The following NDUFS1 variants were observed in gnomAD, a reference collection of about 807,000 sequenced individuals.
The protein encoded by NDUFS1 is NADH-ubiquinone oxidoreductase 75 kDa subunit, mitochondrial.
In NDUFS1, 61 loss-of-function variants were observed where a neutral mutation model predicts 84.4. The ratio of observed to expected loss-of-function variants is 0.72; its 90% CI spans 0.59 to 0.89. The LOEUF (loss-of-function observed/expected upper bound fraction) is 0.89, where lower values mean the gene tolerates loss of function less well. Ranked by LOEUF, NDUFS1 falls within the 40% of genes least tolerant of loss-of-function variation. NDUFS1 has a pLI of 0.00. For synonymous variants in NDUFS1, 275 were observed against 290.0 expected, an observed-to-expected ratio of 0.95 and a Z score of 0.53; for missense variants, 891 against 890.0, an observed-to-expected ratio of 1.00 and a Z score of -0.01.
At chr2:206,153,524 G>T in intron 2 of NDUFS1, 94 bp downstream of exon 2, 13 of 744,242 alleles carry the variant, frequency 1.7e-5, no homozygotes, top group East Asian at 2.7e-5. Context: ...AAAAAATCAT[G>T]GGTTTAGGGT....
chr2:206,137,182 T>C (rs569342673), intron 13 of NDUFS1, among the ~76,000 whole-genome samples: 4 of 152,266 alleles, frequency 2.6e-5, no homozygotes, highest in African/African-American at 9.6e-5. Flanking sequence ...TTAAGACATA[T>C]TTTGGTGAAG....
rs375580273 is a variant in NDUFS1 at position 206,155,091 on chromosome 2, G to A, written c.-4-1409C>T. On this transcript the variant is annotated intron_variant, in intron 1 of 18. Coordinates refer to ENST00000233190, the MANE Select transcript of NDUFS1 (RefSeq NM_005006.7). ...ACTACAGGCATGCACAACCATGCCAGGCTAATTTTTGTATTTTTATTATTT... is the reference window on the plus strand; with the variant it reads ...ACTACAGGCATGCACAACCATGCCAAGCTAATTTTTGTATTTTTATTATTT... Among the ~76,000 whole-genome samples the A allele has an allele frequency of 2.0e-4, 31 of 151,776 alleles. No individual in the cohort carries two copies. The East Asian group carries it at 3.9e-3, about 19-fold the overall frequency.
In NDUFS1 at chr2:206,147,719, C is replaced by A. The variant is rs762146442; in HGVS notation, c.420+34G>T. On this transcript the variant is annotated intron_variant, in intron 6 of 18. Transcript: ENST00000233190. ...CTGCTAATAAAATTAAAATCTGAGA[C>A]AACCAAAAAGATTGACAGAATTCTA... 7 of 1,613,786 alleles carry A rather than the reference C, an allele frequency of 4.3e-6. No individual in the cohort carries two copies. The South Asian group carries it at 6.6e-5, about 15-fold the overall frequency.
chr2:206,158,639 C>G (rs1039860643), intron 1 of NDUFS1, among the ~76,000 whole-genome samples: 5 of 152,190 alleles, frequency 3.3e-5, no homozygotes, highest in Non-Finnish European at 7.3e-5. Flanking sequence ...ACAAAAATAA[C>G]TTGTTTATTC....
chr2:206,136,434 TTTTG>T lies in NDUFS1; in HGVS notation c.1392+2047_1392+2050del, dbSNP rs1381273133. Reference sequence around the variant, plus strand: ...CTTAGTTTTTAGTTGTTGGTTTTTTTTTTGTTTTTTTTTTTTTGAGATGGAGTCT... The same window carrying T: ...CTTAGTTTTTAGTTGTTGGTTTTTTTTTTTTTTTTTTTTGAGATGGAGTCT... On this transcript the variant is annotated intron_variant, in intron 13 of 18. Transcript: ENST00000233190. Among the ~76,000 whole-genome samples, 9 of 121,288 alleles carry T rather than the reference TTTTG, an allele frequency of 7.4e-5. No homozygotes were observed. In the East Asian group the frequency reaches 1.9e-3, roughly 25 times the overall value. 79.6% of individuals were successfully genotyped at this position (121,288 alleles called of 152,430 possible). A position where few individuals can be genotyped will look rare whatever the true frequency, so the allele number is the denominator to read the frequency against.
chr2:206,116,166 C>T lies in NDUFS1; in HGVS notation c.*8019G>A. The T allele has an allele frequency of 1.9e-6, 3 of 1,546,226 alleles. No homozygotes were observed. Among genetic ancestry groups the T allele is most frequent in the Non-Finnish European group, 2.7e-6 (3 of 1,118,958 alleles). On this transcript the variant is annotated 3_prime_UTR_variant, in exon 19 of 19. Transcript: ENST00000233190. ...TATGCTTCTTCACTCATAAGTTCAT[C>T]TAGTTATGAAGGGTTACTCAGTGTC...
chr2:206,125,373 G>A (rs1178365822), intron 18 of NDUFS1, among the ~76,000 whole-genome samples: 3 of 151,840 alleles, frequency 2.0e-5, no homozygotes, highest in Non-Finnish European at 4.4e-5. Context: ...GAGGTGGGAG[G>A]ATCACTTCAG....
chr2:206,121,697 C>T lies in NDUFS1; in HGVS notation c.*2488G>A, dbSNP rs1691100407. ...CAAACTCCTGACCTCAATGATCTGC[C>T]CGCCTCAGCCTGCCAAAGTGCTGGG... On this transcript the variant is annotated 3_prime_UTR_variant, in exon 19 of 19. Coordinates refer to ENST00000233190, the MANE Select transcript of NDUFS1 (RefSeq NM_005006.7). 1 of 152,190 alleles carries T rather than the reference C, an allele frequency of 6.6e-6. No homozygotes were observed. Among genetic ancestry groups the T allele is most frequent in the Admixed American group, 6.6e-5 (1 of 15,256 alleles). 9.4% of individuals were successfully genotyped at this position (152,190 alleles called of 1,614,324 possible).
Position 206,115,765 on chromosome 2 carries a change from T to A in NDUFS1, c.*8420A>T. Reference sequence around the variant, plus strand: ...TTCATCCCAAGTCCAGGTATGGACATACACAAGTTACAATATTATATAAGG... The same window carrying A: ...TTCATCCCAAGTCCAGGTATGGACAAACACAAGTTACAATATTATATAAGG... On this transcript the variant is annotated 3_prime_UTR_variant, in exon 19 of 19. Transcript: ENST00000233190. The A allele has an allele frequency of 7.6e-6, 3 of 395,978 alleles. No homozygotes were observed. The allele number at this position is 395,978 out of a possible 1,614,324, so 24.5% of individuals were successfully genotyped here. A position where few individuals can be genotyped will look rare whatever the true frequency, so the allele number is the denominator to read the frequency against.
At chr2:206,142,289 T>C (rs1405247559) in intron 11 of NDUFS1, among the ~76,000 whole-genome samples, 1 of 152,206 alleles carries the variant, frequency 6.6e-6, no homozygotes, top group Non-Finnish European at 1.5e-5. Flanking sequence ...CCTGGCTCAC[T>C]GCAACCTCCA....
intron 6 of NDUFS1, 30 bp downstream of exon 6, chr2:206,147,723 C>G: frequency 6.2e-7 from 1 of 1,613,628 alleles, no homozygotes; most frequent in African/African-American, 1.3e-5. Context: ...CTGAGACAAC[C>G]AAAAAGATTG....
chr2:206,136,400 C>T (rs1266576493), intron 13 of NDUFS1, among the ~76,000 whole-genome samples: 1 of 148,668 alleles, frequency 6.7e-6, no homozygotes, highest in Non-Finnish European at 1.5e-5. Context: ...GTGTGACAAA[C>T]AGAAACTCCT....
chr2:206,149,652 C>T lies in NDUFS1; in HGVS notation c.261+166G>A, dbSNP rs1030248469. On this transcript the variant is annotated intron_variant, in intron 4 of 18. Coordinates refer to ENST00000233190, the MANE Select transcript of NDUFS1 (RefSeq NM_005006.7). ...TAAAGCACTTCTATCTATGTGTTTCCAGTTTTGAAATGAAGAGAATCAATT... is the reference window on the plus strand; with the variant it reads ...TAAAGCACTTCTATCTATGTGTTTCTAGTTTTGAAATGAAGAGAATCAATT... 10 of 632,500 alleles carry T rather than the reference C, an allele frequency of 1.6e-5. No individual in the cohort carries two copies. In the Admixed American group the frequency reaches 2.0e-4, roughly 13 times the overall value. The allele number at this position is 632,500 out of a possible 1,614,324, so 39.2% of individuals were successfully genotyped here. A position where few individuals can be genotyped will look rare whatever the true frequency, so the allele number is the denominator to read the frequency against.
chr2:206,143,455 T>A (rs542100910), intron 10 of NDUFS1, among the ~76,000 whole-genome samples: 1 of 152,328 alleles, frequency 6.6e-6, no homozygotes, highest in Non-Finnish European at 1.5e-5. Flanking sequence ...TCCTCTGAAG[T>A]ATCTGCCTTT....
chr2:206,130,338 A>G, intron 14 of NDUFS1, 96 bp from the exon 15 acceptor site: 1 of 1,425,552 alleles, frequency 7.0e-7, no homozygotes, highest in Non-Finnish European at 9.7e-7. Flanking sequence ...AACAATGTCA[A>G]AAAACCCATT....
intron 13 of NDUFS1, among the ~76,000 whole-genome samples, chr2:206,135,936 G>A (rs1218062002): frequency 1.3e-5 from 2 of 152,076 alleles, no homozygotes; most frequent in Non-Finnish European, 2.9e-5. Flanking sequence ...ACAAGGAGAA[G>A]GACACACACA....
In NDUFS1 at chr2:206,130,087, C is replaced by T; in HGVS notation, c.1708+1G>A. 3 of 1,614,048 alleles carry T rather than the reference C, an allele frequency of 1.9e-6. No individual in the cohort carries two copies. The highest frequency in any genetic ancestry group is 2.5e-6 in the Non-Finnish European group (3 of 1,179,994). On this transcript the variant is annotated splice_donor_variant, in intron 15 of 18. Transcript: ENST00000233190. LOFTEE classifies it high-confidence loss of function. ...TTTCTGGTGTCACAGGTGATACTTA[C>T]CTTGATAAATAATGAAACAATCCTT...
At chr2:206,138,360 C>A (rs1414491609) in intron 13 of NDUFS1, 125 bp downstream of exon 13, 3 of 1,050,804 alleles carry the variant, frequency 2.9e-6, no homozygotes, top group African/African-American at 3.2e-5. Flanking sequence ...GGATTACAGG[C>A]GTGAGCCACC....
Position 206,142,021 on chromosome 2 carries a change from C to T in NDUFS1, c.1182G>A (p.Val394=). The T allele has an allele frequency of 6.2e-7, 1 of 1,607,036 alleles. No individual in the cohort carries two copies. The highest frequency in any genetic ancestry group is 8.5e-7 in the Non-Finnish European group (1 of 1,173,622). Residue 394 remains valine, a synonymous_variant, in exon 12 of 19, where the codon GTG becomes GTA. Coordinates refer to ENST00000233190, the MANE Select transcript of NDUFS1 (RefSeq NM_005006.7). ...CCAGAAGAACAACATCTGCCTCTTC[C>T]ACACCAGCAATTGTAGTATTAAGAA... ...NYLLNTTIAG[V]EEADVVLLVG... is the part of the protein sequence containing the mutation.
Sources: allele counts gnomAD v4.1 joint callset (sites outside exome capture counted in the v4.1 genomes callset), GRCh38; gene constraint gnomAD v4.1.1; transcripts MANE v1.5; gene names NCBI Gene and HGNC (gene_info 2026-07-23, HGNC 2026-07-21).